Variants in PUS7 observed in about 807,000 individuals in gnomAD.
PUS7 encodes the protein pseudouridine synthase 7.
Under a neutral mutation model 79.8 loss-of-function variants are expected in PUS7, and 48 were observed. The observed-to-expected ratio is 0.60, with a 90% CI of 0.48 to 0.76. The LOEUF (loss-of-function observed/expected upper bound fraction) is 0.76, where lower values mean the gene tolerates loss of function less well. Ranked by LOEUF, PUS7 falls within the 30% of genes least tolerant of loss-of-function variation. The pLI, the probability that PUS7 is intolerant of heterozygous loss-of-function variation, is 0.00. For synonymous variants in PUS7, 286 were observed against 272.2 expected, an observed-to-expected ratio of 1.05 and a Z score of -0.50; for missense variants, 729 against 797.6, an observed-to-expected ratio of 0.91 and a Z score of 1.04.
At chr7:105,511,037 T>G (rs1035020563) in intron 1 of PUS7, among the ~76,000 whole-genome samples, 4 of 151,838 alleles carry the variant, frequency 2.6e-5, no homozygotes, top group African/African-American at 9.7e-5. Flanking sequence ...ATGTTATTTA[T>G]TTATTTATTT....
chr7:105,457,662 A>T lies in PUS7; in HGVS notation c.*128T>A. 8.2e-6 allele frequency: 8 copies of T among 971,626 alleles called. No individual in the cohort carries two copies. Among genetic ancestry groups the T allele is most frequent in the Non-Finnish European group, 1.2e-5 (8 of 690,126 alleles). 60.2% of individuals were successfully genotyped at this position (971,626 alleles called of 1,614,324 possible). A position where few individuals can be genotyped will look rare whatever the true frequency, so the allele number is the denominator to read the frequency against. The stretch of plus-strand genomic sequence containing the variant: ...TATTTCTTTAAGCTAATAAAAACTT[A>T]AAAATACAAATAATTTTTATTACAA... On this transcript the variant is annotated 3_prime_UTR_variant, in exon 16 of 16. Transcript: ENST00000469408.
At chr7:105,504,734 C>T (rs73190131) in intron 4 of PUS7, among the ~76,000 whole-genome samples, 50 of 152,284 alleles carry the variant, frequency 3.3e-4, no homozygotes, top group Non-Finnish European at 5.1e-4. Flanking sequence ...CTTGGACCAT[C>T]CTTCTGGATT....
chr7:105,489,205 CT>C (rs1163571317), intron 7 of PUS7, among the ~76,000 whole-genome samples: 2,848 of 134,922 alleles, frequency 0.021, 90 homozygotes, highest in African/African-American at 0.069. Flanking sequence ...AATAAACTGA[CT>C]TTTTTTTTTT....
At chr7:105,460,495 G>C (rs1388540943) in intron 14 of PUS7, among the ~76,000 whole-genome samples, 1 of 152,142 alleles carries the variant, frequency 6.6e-6, no homozygotes, top group African/African-American at 2.4e-5. Context: ...CCTGGAAATA[G>C]GCAACTAGTT....
At chr7:105,519,405 A>C (rs1247333809) in intron 1 of PUS7, among the ~76,000 whole-genome samples, 3 of 151,874 alleles carry the variant, frequency 2.0e-5, no homozygotes, top group African/African-American at 7.3e-5. Context: ...ACATCCAGCT[A>C]ATTTTTGTAT....
chr7:105,475,946 T>C (rs1399744769), intron 9 of PUS7, among the ~76,000 whole-genome samples: 1 of 152,064 alleles, frequency 6.6e-6, no homozygotes, highest in African/African-American at 2.4e-5. Flanking sequence ...GTACCATATT[T>C]GTTCTTTTGT....
intron 13 of PUS7, among the ~76,000 whole-genome samples, chr7:105,463,674 T>C (rs929130419): frequency 6.6e-6 from 1 of 152,088 alleles, no homozygotes; most frequent in Non-Finnish European, 1.5e-5. Flanking sequence ...TCTTACTAAA[T>C]TATTTATTGC....
chr7:105,496,626 G>C (rs911503947), intron 5 of PUS7, among the ~76,000 whole-genome samples: 5 of 152,140 alleles, frequency 3.3e-5, no homozygotes, highest in East Asian at 3.9e-4. Flanking sequence ...GCACTGTTTG[G>C]TAAGTTAGTG....
chr7:105,510,863 A>ATTACATACAAGATGCTGAAGG (rs1825674830), intron 1 of PUS7, among the ~76,000 whole-genome samples: 2 of 152,238 alleles, frequency 1.3e-5, no homozygotes, highest in African/African-American at 4.8e-5. Context: ...TTCTATGTTA[A>ATTACATACAAGATGCTGAAGG]TTACATACAA....
chr7:105,517,494 A>G (rs1825942315), intron 1 of PUS7, among the ~76,000 whole-genome samples: 2 of 152,182 alleles, frequency 1.3e-5, no homozygotes, highest in African/African-American at 4.8e-5. Flanking sequence ...GAATGCTAAA[A>G]TAATGTTTTT....
rs936310199 is a variant in PUS7 at position 105,462,545 on chromosome 7, A to G, written c.1757+76T>C. The G allele has an allele frequency of 3.9e-6, 6 of 1,521,074 alleles. No individual in the cohort carries two copies. In the African/African-American group the frequency reaches 6.9e-5, roughly 17 times the overall value. The allele number at this position is 1,521,074 out of a possible 1,614,324, so 94.2% of individuals were successfully genotyped here. A position where few individuals can be genotyped will look rare whatever the true frequency, so the allele number is the denominator to read the frequency against. ...ACTGAAAATTCTTGTGCAGTACATG[A>G]CTCTATATAAAGTGAAGCAAAAGCT... On this transcript the variant is annotated intron_variant, in intron 14 of 15. Coordinates refer to ENST00000469408, the MANE Select transcript of PUS7 (RefSeq NM_019042.5).
rs1189154949 is a variant in PUS7 at position 105,465,287 on chromosome 7, C to A, written c.1627+26G>T. 3 of 1,504,090 alleles carry A rather than the reference C, an allele frequency of 2.0e-6. No homozygotes were observed. The Admixed American group carries it at 5.2e-5, about 26-fold the overall frequency. The allele number at this position is 1,504,090 out of a possible 1,614,324, so 93.2% of individuals were successfully genotyped here. On this transcript the variant is annotated intron_variant, in intron 13 of 15. Transcript: ENST00000469408. ...CTTCATTATGTTAAACTTGTTTTAA[C>A]TATTTTCCCCATACAGGGAACTTAC...
Position 105,468,344 on chromosome 7 carries a change from G to T in PUS7, c.1518C>A (p.Leu506=). The part of the protein sequence containing the change: ...GLKPVPGDLV[L]KGATATYIEE... ...AGACATCTGCCTTTTTACCTCCTTT[G>T]AGAACGAGGTCCCCTGGAACAGGTT... Residue 506 remains leucine (L), a synonymous_variant, in exon 12 of 16, where the codon CTC becomes CTA. Transcript: ENST00000469408. 6.2e-7 allele frequency: 1 copy of T among 1,611,784 alleles called. No individual in the cohort carries two copies. Among genetic ancestry groups the T allele is most frequent in the South Asian group, 1.1e-5 (1 of 90,432 alleles).
At position 105,490,001 on chromosome 7, in the gene PUS7, C is replaced by T. The variant is rs146762708; in HGVS notation, c.920+1539G>A. Among the ~76,000 whole-genome samples the T allele has an allele frequency of 1.6e-3, 244 of 151,874 alleles. 1 individual carries two copies. Among genetic ancestry groups the T allele is most frequent in the African/African-American group, 5.7e-3 (238 of 41,396 alleles). On this transcript the variant is annotated intron_variant, in intron 7 of 15. Transcript: ENST00000469408. Reference sequence around the variant, plus strand: ...AGGTGCACTGGTGTATGCCTGTAATCCCAGCTACTTGGGAGGCTGAGGCAG... The same window carrying T: ...AGGTGCACTGGTGTATGCCTGTAATTCCAGCTACTTGGGAGGCTGAGGCAG...
intron 5 of PUS7, among the ~76,000 whole-genome samples, 173 bp downstream of exon 5, chr7:105,502,247 T>C (rs1825282416): frequency 6.6e-6 from 1 of 152,174 alleles, no homozygotes; most frequent in Non-Finnish European, 1.5e-5. Context: ...GCTGCAGGAC[T>C]GCGCTGGCAT....
intron 5 of PUS7, among the ~76,000 whole-genome samples, chr7:105,495,659 C>G (rs1285692559): frequency 1.3e-5 from 2 of 151,906 alleles, no homozygotes; most frequent in Non-Finnish European, 2.9e-5. Flanking sequence ...GTGGGAGGAT[C>G]ACATGAACAT....
intron 1 of PUS7, among the ~76,000 whole-genome samples, chr7:105,521,442 C>T (rs1826106822): frequency 6.6e-6 from 1 of 152,216 alleles, no homozygotes; most frequent in African/African-American, 2.4e-5. Context: ...GTTAAGCATT[C>T]ACCCAGCTTG....
chr7:105,467,818 G>A (rs1766827709), intron 12 of PUS7, among the ~76,000 whole-genome samples: 2 of 151,780 alleles, frequency 1.3e-5, no homozygotes, highest in South Asian at 4.2e-4. Flanking sequence ...CACCCGAGGT[G>A]GGGAGTTCGA....
intron 9 of PUS7, among the ~76,000 whole-genome samples, chr7:105,473,576 G>A (rs1305759299): frequency 6.6e-6 from 1 of 152,156 alleles, no homozygotes; most frequent in Non-Finnish European, 1.5e-5. Context: ...GCGCCACCAT[G>A]CCTGGCCAAT....
Sources: gnomAD v4.1 joint callset for allele counts (sites outside exome capture counted in the v4.1 genomes callset) on GRCh38, gnomAD v4.1.1 for gene constraint, MANE v1.5 for transcripts, NCBI Gene and HGNC (gene_info 2026-07-23, HGNC 2026-07-21) for gene names.